NPHP3: variants seen among roughly 807,000 people sequenced by gnomAD.
NPHP3 encodes the protein nephrocystin-3.
NPHP3 carries 123 observed loss-of-function variants against 171.9 expected under a neutral mutation model. The ratio of observed to expected loss-of-function variants is 0.72; its 90% CI spans 0.62 to 0.83. The LOEUF (loss-of-function observed/expected upper bound fraction) is 0.83, where lower values mean the gene tolerates loss of function less well. Ranked by LOEUF, NPHP3 falls within the 40% of genes least tolerant of loss-of-function variation. The pLI, the probability that NPHP3 is intolerant of heterozygous loss-of-function variation, is 0.00. For synonymous variants in NPHP3, 558 were observed against 579.2 expected, an observed-to-expected ratio of 0.96 and a Z score of 0.52; for missense variants, 1,506 against 1,591.9, an observed-to-expected ratio of 0.95 and a Z score of 0.92.
chr3:132,693,149 T>G (rs1482815118), intron 16 of NPHP3: 1 of 272,888 alleles, frequency 3.7e-6, no homozygotes, highest in Non-Finnish European at 7.0e-6. Context: ...ATAGCCCTCC[T>G]ATTATAAACA....
intron 7 of NPHP3, among the ~76,000 whole-genome samples, chr3:132,706,099 C>T (rs992197442): frequency 2.0e-5 from 3 of 151,970 alleles, no homozygotes; most frequent in Non-Finnish European, 4.4e-5. Flanking sequence ...GTGGCTCATG[C>T]CTGTAATCCC....
chr3:132,684,806 A>G lies in NPHP3; in HGVS notation c.3330-12T>C. The G allele has an allele frequency of 7.4e-6, 12 of 1,612,098 alleles. No homozygotes were observed. Among genetic ancestry groups the G allele is most frequent in the Non-Finnish European group, 1.0e-5 (12 of 1,179,926 alleles). Reference sequence around the variant, plus strand: ...ACTGGTCAGCTGTTCTGTGAACACAATCCCAAAATGGCTTAAACTATCTAT... The same window carrying G: ...ACTGGTCAGCTGTTCTGTGAACACAGTCCCAAAATGGCTTAAACTATCTAT... On this transcript the variant is annotated splice_polypyrimidine_tract_variant and intron_variant, in intron 23 of 26. Transcript: ENST00000337331.
rs563850993 is a variant in NPHP3 at position 132,719,116 on chromosome 3, A to G, written c.548T>C (p.Ile183Thr). The part of the protein sequence containing the change: ...KIFRETKENE[I>T]QDLLRAKREL... ...CCTCTTGGCCCTCAGTAAGTCCTGA[A>G]TTTCATTTTCTTTGGTCTCCCTAAA... Residue 183 changes from isoleucine (I) to threonine (T), a missense_variant, in exon 3 of 27, where the codon ATT becomes ACT. Around this residue, in one of 3 missense-constraint regions of NPHP3, gnomAD observed 930 missense variants for 924.9 expected, o/e 1.01. Coordinates refer to ENST00000337331, the MANE Select transcript of NPHP3 (RefSeq NM_153240.5). The G allele has an allele frequency of 2.5e-5, 40 of 1,612,694 alleles. No homozygotes were observed. In the South Asian group the frequency reaches 4.4e-4, roughly 18 times the overall value.
chr3:132,689,740 T>C (rs1939252494), intron 19 of NPHP3, among the ~76,000 whole-genome samples: 1 of 152,214 alleles, frequency 6.6e-6, no homozygotes, highest in Non-Finnish European at 1.5e-5. Context: ...TACTTTGTAT[T>C]TTCATCAAGA....
At chr3:132,721,924 C>T (rs747898073) in intron 1 of NPHP3, 39 bp downstream of exon 1, 30 of 1,606,526 alleles carry the variant, frequency 1.9e-5, no homozygotes, top group Non-Finnish European at 2.5e-5. Flanking sequence ...GCCGTGCTTC[C>T]CAAGGGTCTC....
chr3:132,700,178 A>C, intron 11 of NPHP3, 117 bp from the exon 12 acceptor site: 1 of 1,296,314 alleles, frequency 7.7e-7, no homozygotes, highest in Non-Finnish European at 1.1e-6. Context: ...CAAGTCACCA[A>C]GAGGACCCGA....
chr3:132,692,143 G>A (rs2107971005), intron 17 of NPHP3, among the ~76,000 whole-genome samples: 1 of 152,274 alleles, frequency 6.6e-6, no homozygotes, highest in African/African-American at 2.4e-5. Context: ...GTAATATGCT[G>A]TGCAGGTTTG....
At chr3:132,688,998 A>G in intron 20 of NPHP3, 76 bp downstream of exon 20, 1 of 1,611,092 alleles carries the variant, frequency 6.2e-7, no homozygotes, top group Non-Finnish European at 8.5e-7. Context: ...AAACCACATT[A>G]ACATCTTGGA....
intron 15 of NPHP3, among the ~76,000 whole-genome samples, chr3:132,695,492 T>C (rs376486394): frequency 7.2e-5 from 11 of 152,294 alleles, no homozygotes; most frequent in African/African-American, 1.4e-4. Context: ...ATAGGTACTT[T>C]CAAAAATAAA....
intron 6 of NPHP3, among the ~76,000 whole-genome samples, chr3:132,708,883 T>A (rs1391204079): frequency 6.6e-6 from 1 of 152,230 alleles, no homozygotes; most frequent in Non-Finnish European, 1.5e-5. Flanking sequence ...AGGAATTCTT[T>A]GCTCTTGATT....
intron 17 of NPHP3, among the ~76,000 whole-genome samples, chr3:132,692,266 G>A (rs1939318427): frequency 6.6e-6 from 1 of 152,158 alleles, no homozygotes; most frequent in South Asian, 2.1e-4. Context: ...ATCACCTAAT[G>A]ATGTGTTTCT....
intron 22 of NPHP3, 46 bp from the exon 23 acceptor site, chr3:132,686,433 A>G: frequency 6.2e-7 from 1 of 1,612,706 alleles, no homozygotes; most frequent in Non-Finnish European, 8.5e-7. Context: ...AGTAGGTGCA[A>G]TCCTTGATTC....
chr3:132,688,896 G>C lies in NPHP3; in HGVS notation c.2884-5C>G, dbSNP rs764010022. 6.2e-7 allele frequency: 1 copy of C among 1,614,054 alleles called. No individual in the cohort carries two copies. Among genetic ancestry groups the C allele is most frequent in the Non-Finnish European group, 8.5e-7 (1 of 1,179,984 alleles). On this transcript the variant is annotated splice_region_variant and splice_polypyrimidine_tract_variant and intron_variant, in intron 20 of 26. Coordinates refer to ENST00000337331, the MANE Select transcript of NPHP3 (RefSeq NM_153240.5). ...CCTCTGCAAAGGTACTATGGCCTGG[G>C]GGGAAAAGGGGTGAAAGGCCAGTTA...
At chr3:132,718,728 A>G (rs1228230355) in intron 3 of NPHP3, among the ~76,000 whole-genome samples, 3 of 152,170 alleles carry the variant, frequency 2.0e-5, no homozygotes, top group Admixed American at 6.5e-5. Flanking sequence ...GCTGGGGTAG[A>G]TATCTTAGAC....
intron 22 of NPHP3, among the ~76,000 whole-genome samples, chr3:132,686,686 A>C (rs2107965422): frequency 6.6e-6 from 1 of 152,276 alleles, no homozygotes; most frequent in South Asian, 2.1e-4. Context: ...ATATTTATCA[A>C]CCCCATAGGT....
rs143208915 is a variant in NPHP3 at position 132,688,245 on chromosome 3, A to G, written c.3125+405T>C. 1.2e-3 allele frequency among the ~76,000 whole-genome samples: 183 copies of G among 152,368 alleles called. 1 individual carries two copies. The highest frequency in any genetic ancestry group is 3.8e-3 in the African/African-American group (157 of 41,586). ...TTCAGGCTATGTGTATAAGGTGTAT[A>G]TGAAAAATACATTTCATGTTTAGAC... On this transcript the variant is annotated intron_variant, in intron 21 of 26. Transcript: ENST00000337331.
In NPHP3 at chr3:132,681,643, T is replaced by TC. The variant is rs1193041334; in HGVS notation, c.*266dup. The TC allele has an allele frequency of 9.4e-6, 4 of 423,706 alleles. No homozygotes were observed. The highest frequency in any genetic ancestry group is 1.3e-5 in the Non-Finnish European group (3 of 228,358). 26.2% of individuals were successfully genotyped at this position (423,706 alleles called of 1,614,324 possible). A position where few individuals can be genotyped will look rare whatever the true frequency, so the allele number is the denominator to read the frequency against. ...TGTTGAACAAAGACCAATCCGCTCT[T>TC]CATGATTTGCTCCTCATGTCTTCTT... On this transcript the variant is annotated 3_prime_UTR_variant, in exon 27 of 27. Coordinates refer to ENST00000337331, the MANE Select transcript of NPHP3 (RefSeq NM_153240.5).
chr3:132,699,907 G>A lies in NPHP3; in HGVS notation c.1887+11C>T. ...TGAGCATATCAATAGGTAACAAATG[G>A]AAAACGGTACCTGAACTTGATCTAT... On this transcript the variant is annotated intron_variant, in intron 12 of 26. Coordinates refer to ENST00000337331, the MANE Select transcript of NPHP3 (RefSeq NM_153240.5). The A allele has an allele frequency of 1.2e-6, 2 of 1,613,832 alleles. No homozygotes were observed. The highest frequency in any genetic ancestry group is 1.7e-6 in the Non-Finnish European group (2 of 1,179,826).
Position 132,681,520 on chromosome 3 carries a change from A to G in NPHP3, c.*390T>C, listed in dbSNP as rs938959506. On this transcript the variant is annotated 3_prime_UTR_variant, in exon 27 of 27. Transcript: ENST00000337331. ...TGGCCTCAAGTGATCCTCCTGCATC[A>G]CCCTCCCAAAGTGGTGGGATTACAG... The G allele has an allele frequency of 3.7e-5, 9 of 243,050 alleles. No homozygotes were observed. The highest frequency in any genetic ancestry group is 7.3e-5 in the Non-Finnish European group (9 of 122,972). The allele number at this position is 243,050 out of a possible 1,614,324, so 15.1% of individuals were successfully genotyped here.
Sources: allele counts gnomAD v4.1 joint callset (sites outside exome capture counted in the v4.1 genomes callset), GRCh38; gene constraint gnomAD v4.1.1; regional missense constraint gnomAD v4.1.1; transcripts MANE v1.5; gene names NCBI Gene and HGNC (gene_info 2026-07-23, HGNC 2026-07-21).